Variants in THSD4 observed in about 807,000 individuals in gnomAD.
The protein encoded by THSD4 is thrombospondin type-1 domain-containing protein 4.
Under a neutral mutation model 119.0 loss-of-function variants are expected in THSD4, and 69 were observed. The observed-to-expected ratio is 0.58, with a 90% CI of 0.48 to 0.71. The LOEUF is 0.71. Ranked by LOEUF, THSD4 falls within the 30% of genes least tolerant of loss-of-function variation. The pLI is 0.00. For missense variants in THSD4, 1,393 were observed against 1,391.1 expected (o/e 1.00, Z -0.02); for synonymous variants, 524 against 540.4 (o/e 0.97, Z 0.42).
chr15:71,518,514 A>G (rs1360122924), intron 7 of THSD4, among the ~76,000 whole-genome samples: 4 of 152,202 alleles, frequency 2.6e-5, no homozygotes, highest in Non-Finnish European at 5.9e-5. Context: ...AGTGACTTTA[A>G]TCTTAGTAAA....
chr15:71,508,023 A>T (rs1231984616), intron 7 of THSD4, among the ~76,000 whole-genome samples: 1 of 152,262 alleles, frequency 6.6e-6, no homozygotes, highest in Non-Finnish European at 1.5e-5. Context: ...TGAAAATAAT[A>T]GTGAAGGAAA....
chr15:71,654,170 G>A (rs1347100628), intron 7 of THSD4, among the ~76,000 whole-genome samples: 1 of 152,182 alleles, frequency 6.6e-6, no homozygotes, highest in African/African-American at 2.4e-5. Flanking sequence ...AAAACAGGTT[G>A]TGAGCCAGAT....
chr15:71,154,749 C>T, intron 2 of THSD4, 114 bp from the exon 3 acceptor site: 3 of 1,028,654 alleles, frequency 2.9e-6, no homozygotes, highest in Non-Finnish European at 4.5e-6. Context: ...ATCCCAGGGC[C>T]TGGGTTGGGC....
chr15:71,751,302 T>TA (rs1286390425), intron 14 of THSD4, among the ~76,000 whole-genome samples: 1 of 152,244 alleles, frequency 6.6e-6, no homozygotes, highest in African/African-American at 2.4e-5. Flanking sequence ...TTCTTTTTCT[T>TA]AAAAATGTTG....
At chr15:71,637,477 G>A (rs1233781363) in intron 7 of THSD4, among the ~76,000 whole-genome samples, 1 of 152,114 alleles carries the variant, frequency 6.6e-6, no homozygotes, top group Non-Finnish European at 1.5e-5. Flanking sequence ...AAGAGATGAG[G>A]GATGAGAACT....
chr15:71,472,313 C>G (rs2047592021), intron 7 of THSD4, among the ~76,000 whole-genome samples: 2 of 152,278 alleles, frequency 1.3e-5, no homozygotes, highest in South Asian at 2.1e-4. Flanking sequence ...ACTTAAGAGT[C>G]AAATATTTAA....
chr15:71,373,248 T>C (rs2046082461), intron 6 of THSD4, among the ~76,000 whole-genome samples: 1 of 152,242 alleles, frequency 6.6e-6, no homozygotes, highest in Admixed American at 6.5e-5. Context: ...GTTTTATTGC[T>C]TTTTGGGTCA....
Position 71,682,881 on chromosome 15 carries a change from TTTCTTTCTTTCTTTCTTTCTTTCTTTC to T in THSD4, c.1357+22153_1357+22179del, listed in dbSNP as rs1395275203. ...CTTTCTTTCTTTCTTTCTTTCTTTC[TTTCTTTCTTTCTTTCTTTCTTTCTTTC>T]TTCTTCTTCTTCTTTTTTTTTTTTT... On this transcript the variant is annotated intron_variant, in intron 8 of 17. Coordinates refer to ENST00000261862, the MANE Select transcript of THSD4 (RefSeq NM_024817.3). Among the ~76,000 whole-genome samples the T allele has an allele frequency of 2.9e-4, 21 of 72,792 alleles. 2 individuals carry two copies. The highest frequency in any genetic ancestry group is 5.2e-4 in the South Asian group (1 of 1,910). 47.8% of individuals were successfully genotyped at this position (72,792 alleles called of 152,430 possible). A position where few individuals can be genotyped will look rare whatever the true frequency, so the allele number is the denominator to read the frequency against.
chr15:71,104,850 A>G (rs1567127081), intron 1 of THSD4, among the ~76,000 whole-genome samples: 1 of 152,248 alleles, frequency 6.6e-6, no homozygotes, highest in Non-Finnish European at 1.5e-5. Flanking sequence ...AAGTTAAGAT[A>G]AGGAAGTATG....
Position 71,318,222 on chromosome 15 carries a change from A to C in THSD4, c.1015+61507A>C, listed in dbSNP as rs1017037266. On this transcript the variant is annotated intron_variant, in intron 6 of 17. Coordinates refer to ENST00000261862, the MANE Select transcript of THSD4 (RefSeq NM_024817.3). ...CAGAGATAAGGCAGTGAATTTGGGAAGACAGAGATTCAAGACAACTGAGCC... is the reference window on the plus strand; with the variant it reads ...CAGAGATAAGGCAGTGAATTTGGGACGACAGAGATTCAAGACAACTGAGCC... Among the ~76,000 whole-genome samples, 16 of 152,288 alleles carry C rather than the reference A, an allele frequency of 1.1e-4. No homozygotes were observed. In the Middle Eastern group the frequency reaches 0.014, roughly 129 times the overall value.
At chr15:71,494,219 C>T (rs1397269235) in intron 7 of THSD4, among the ~76,000 whole-genome samples, 1 of 152,124 alleles carries the variant, frequency 6.6e-6, no homozygotes, top group Non-Finnish European at 1.5e-5. Context: ...TATTTGCAAA[C>T]TGAGCATCTG....
At chr15:71,287,638 T>A (rs1479836322) in intron 6 of THSD4, among the ~76,000 whole-genome samples, 2 of 152,224 alleles carry the variant, frequency 1.3e-5, no homozygotes, top group Non-Finnish European at 2.9e-5. Flanking sequence ...AATAGCCTTT[T>A]GTGAGGCAAA....
chr15:71,749,804 C>T (rs1170186429), intron 14 of THSD4, among the ~76,000 whole-genome samples: 1 of 151,056 alleles, frequency 6.6e-6, no homozygotes, highest in African/African-American at 2.4e-5. Flanking sequence ...ACTGCAGCCT[C>T]GACCTGCTGG....
chr15:71,299,252 A>G (rs1456807539), intron 6 of THSD4, among the ~76,000 whole-genome samples: 1 of 152,248 alleles, frequency 6.6e-6, no homozygotes, highest in Non-Finnish European at 1.5e-5. Context: ...AGAATTGTGG[A>G]TGCTTCGATA....
chr15:71,504,096 A>G (rs563410301), intron 7 of THSD4, among the ~76,000 whole-genome samples: 1 of 152,330 alleles, frequency 6.6e-6, no homozygotes, highest in African/African-American at 2.4e-5. Context: ...AAGGCTTTTC[A>G]AACAGCACAG....
At chr15:71,611,914 G>A (rs2050237684) in intron 7 of THSD4, among the ~76,000 whole-genome samples, 1 of 152,178 alleles carries the variant, frequency 6.6e-6, no homozygotes, top group South Asian at 2.1e-4. Context: ...GGAAATGGCT[G>A]TAAATTAGTT....
chr15:71,306,852 A>G (rs563136290), intron 6 of THSD4, among the ~76,000 whole-genome samples: 65 of 152,350 alleles, frequency 4.3e-4, no homozygotes, highest in African/African-American at 1.5e-3. Context: ...TGAAACATGT[A>G]TTAATATCCT....
intron 8 of THSD4, among the ~76,000 whole-genome samples, chr15:71,684,284 C>T (rs1433793919): frequency 4.6e-5 from 7 of 151,976 alleles, no homozygotes; most frequent in African/African-American, 1.7e-4. Flanking sequence ...TGATTCTCAT[C>T]GTTTTCTAGT....
At chr15:71,305,070 G>A (rs567047882) in intron 6 of THSD4, among the ~76,000 whole-genome samples, 2 of 152,306 alleles carry the variant, frequency 1.3e-5, no homozygotes, top group South Asian at 2.1e-4. Context: ...AAGTGGGTAC[G>A]TTTTCTGATG....
Sources: allele counts gnomAD v4.1 joint callset (sites outside exome capture counted in the v4.1 genomes callset), GRCh38; gene constraint gnomAD v4.1.1; transcripts MANE v1.5; gene names NCBI Gene and HGNC (gene_info 2026-07-23, HGNC 2026-07-21).